OLFM1: variants seen among roughly 807,000 people sequenced by gnomAD.
The protein encoded by OLFM1 is olfactomedin 1.
A neutral mutation model predicts 49.7 loss-of-function variants in OLFM1; 9 were observed. The ratio of observed to expected loss-of-function variants is 0.18; its 90% CI spans 0.11 to 0.32. The LOEUF (loss-of-function observed/expected upper bound fraction) is 0.32. Ranked by LOEUF, OLFM1 falls within the 10% of genes least tolerant of loss-of-function variation. OLFM1 has a pLI of 1.00. For missense variants in OLFM1, 369 were observed against 661.8 expected, an observed-to-expected ratio of 0.56 and a Z score of 4.85; for synonymous variants, 240 against 271.8, an observed-to-expected ratio of 0.88 and a Z score of 1.15.
chr9:135,076,019 C>G (rs544520773), intron 1 of OLFM1: 9 of 1,445,292 alleles, frequency 6.2e-6, no homozygotes, highest in Non-Finnish European at 9.1e-7. Context: ...CCTCCAGCCC[C>G]GGCTCAGCAG....
chr9:135,101,556 C>G (rs1271444403), intron 4 of OLFM1, among the ~76,000 whole-genome samples: 1 of 152,226 alleles, frequency 6.6e-6, no homozygotes, highest in African/African-American at 2.4e-5. Context: ...ATGGCCCAGC[C>G]AGAAACTTGA....
chr9:135,096,190 C>G (rs867581044), intron 3 of OLFM1, among the ~76,000 whole-genome samples, 171 bp downstream of exon 3: 1 of 46,264 alleles, frequency 2.2e-5, no homozygotes, highest in East Asian at 6.8e-4. Context: ...TCCTCCTCTT[C>G]CTCCTCCTCC....
Position 135,090,179 on chromosome 9 carries a change from C to T in OLFM1, c.151-16C>T, listed in dbSNP as rs558302906. The T allele has an allele frequency of 1.6e-5, 26 of 1,598,588 alleles. No individual in the cohort carries two copies. Among genetic ancestry groups the T allele is most frequent in the Middle Eastern group, 1.7e-4 (1 of 5,762 alleles). ...TTCTCTCCTTCCCTCTCCCTTCCCGCCCCGCCCCTCTCCAGGTGCTGCCCA... is the reference window on the plus strand; with the variant it reads ...TTCTCTCCTTCCCTCTCCCTTCCCGTCCCGCCCCTCTCCAGGTGCTGCCCA... On this transcript the variant is annotated splice_polypyrimidine_tract_variant and intron_variant, in intron 1 of 5. Coordinates refer to ENST00000371793, the MANE Select transcript of OLFM1 (RefSeq NM_001282611.2).
At chr9:135,108,994 A>C (rs1830985308) in intron 5 of OLFM1, among the ~76,000 whole-genome samples, 1 of 152,080 alleles carries the variant, frequency 6.6e-6, no homozygotes, top group Non-Finnish European at 1.5e-5. Context: ...AGAGCAGGAA[A>C]ACCACCCCAC....
chr9:135,091,667 TCACACACTCA>T (rs1564270807), intron 2 of OLFM1, among the ~76,000 whole-genome samples: 2 of 19,298 alleles, frequency 1.0e-4, no homozygotes, highest in Non-Finnish European at 9.3e-5. Context: ...ACACACACAG[TCACACACTCA>T]CACATAGTCT....
At chr9:135,090,374 A>G (rs544895432) in intron 2 of OLFM1, 30 bp downstream of exon 2, 58 of 1,355,586 alleles carry the variant, frequency 4.3e-5, no homozygotes, top group Middle Eastern at 1.9e-4. Flanking sequence ...GTGAGTTTGT[A>G]TGTGTGTGTG....
intron 3 of OLFM1, chr9:135,097,880 A>G: frequency 6.3e-7 from 1 of 1,586,834 alleles, no homozygotes; most frequent in East Asian, 2.2e-5. Context: ...TGCACCATGC[A>G]TTTTTACTAT....
At chr9:135,090,583 C>T (rs62573438) in intron 2 of OLFM1, among the ~76,000 whole-genome samples, 1 of 151,874 alleles carries the variant, frequency 6.6e-6, no homozygotes. Flanking sequence ...TGGGTGGACA[C>T]ACAGGTGGAT....
At chr9:135,076,054 T>C in intron 1 of OLFM1, 2 of 1,451,312 alleles carry the variant, frequency 1.4e-6, no homozygotes, top group Non-Finnish European at 1.8e-6. Context: ...CCCTTTTTCC[T>C]AGGACTCCGC....
intron 5 of OLFM1, among the ~76,000 whole-genome samples, chr9:135,110,143 G>A (rs1442307802): frequency 6.6e-6 from 1 of 152,158 alleles, no homozygotes; most frequent in Non-Finnish European, 1.5e-5. Context: ...AGGGCTGTGT[G>A]GAGGTTGGCC....
At chr9:135,076,018 C>T (rs1830460252) in intron 1 of OLFM1, 1 of 1,445,302 alleles carries the variant, frequency 6.9e-7, no homozygotes, top group Non-Finnish European at 9.1e-7. Flanking sequence ...TCCTCCAGCC[C>T]CGGCTCAGCA....
At chr9:135,092,606 A>T (rs958305793) in intron 2 of OLFM1, among the ~76,000 whole-genome samples, 3 of 152,044 alleles carry the variant, frequency 2.0e-5, no homozygotes, top group Admixed American at 1.3e-4. Context: ...GGCCGGCGAG[A>T]GTCAGGAGGG....
chr9:135,084,311 C>T (rs1193827069), upstream of OLFM1, among the ~76,000 whole-genome samples: 1 of 135,818 alleles, frequency 7.4e-6, no homozygotes, highest in East Asian at 1.9e-4. This position sits in a 1 kb window ranked among gnomAD's most constrained non-coding sequence, Gnocchi z 4.6. Flanking sequence ...TATCTTTCTT[C>T]TCTCTCTCTC....
upstream of OLFM1, among the ~76,000 whole-genome samples, chr9:135,084,409 T>C (rs1201122089): frequency 6.6e-6 from 1 of 150,450 alleles, no homozygotes; most frequent in African/African-American, 2.5e-5. This position sits in a 1 kb window ranked among gnomAD's most constrained non-coding sequence, Gnocchi z 4.6. Flanking sequence ...CTCTCCTCTC[T>C]GTCTCTCTTC....
At chr9:135,116,864 A>G (rs1337806235) in intron 5 of OLFM1, among the ~76,000 whole-genome samples, 3 of 149,754 alleles carry the variant, frequency 2.0e-5, no homozygotes, top group Non-Finnish European at 4.5e-5. Flanking sequence ...ATAGCCTCAA[A>G]TGAGGCCCAG....
chr9:135,091,766 C>CAT (rs797006631), intron 2 of OLFM1, among the ~76,000 whole-genome samples: 14 of 145,446 alleles, frequency 9.6e-5, no homozygotes, highest in Admixed American at 2.7e-4. Context: ...CACACTCACA[C>CAT]AGTCACACAC....
upstream of OLFM1, chr9:135,087,221 C>T: frequency 7.1e-7 from 1 of 1,402,550 alleles, no homozygotes; most frequent in Non-Finnish European, 9.2e-7. Context: ...GCCCTGCCTG[C>T]TGGGTTTCAG....
rs1166581334 is a variant in OLFM1, at chr9:135,113,132, C to G, written c.783+6277C>G. 2.0e-5 allele frequency among the ~76,000 whole-genome samples: 3 copies of G among 152,118 alleles called. No individual in the cohort carries two copies. Among genetic ancestry groups the G allele is most frequent in the Non-Finnish European group, 4.4e-5 (3 of 68,020 alleles). On this transcript the variant is annotated intron_variant, in intron 5 of 5. Transcript: ENST00000371793. The surrounding 1 kb of genome is among the most constrained non-coding windows in gnomAD (Gnocchi z 4.0). ...GCTGGCCATGTGACCCTGAGAGAGG[C>G]CTTCCTTCTCTCTGGGCCTCTCTGA...
At chr9:135,090,560 A>T (rs62573437) in intron 2 of OLFM1, among the ~76,000 whole-genome samples, 5,064 of 152,092 alleles carry the variant, frequency 0.033, 162 homozygotes, top group African/African-American at 0.083. Flanking sequence ...GGATGGACGG[A>T]TGGGTGGATG....
Sources: allele counts gnomAD v4.1 joint callset (sites outside exome capture counted in the v4.1 genomes callset), GRCh38; gene constraint gnomAD v4.1.1; non-coding constraint Gnocchi (gnomAD v3.1); transcripts MANE v1.5; gene names NCBI Gene and HGNC (gene_info 2026-07-23, HGNC 2026-07-21).